MTHFD2L: variants seen among roughly 807,000 people sequenced by gnomAD.
MTHFD2L encodes methylenetetrahydrofolate dehydrogenase (NADP+ dependent) 2 like, also known as bifunctional methylenetetrahydrofolate dehydrogenase/cyclohydrolase 2, mitochondrial.
MTHFD2L carries 29 observed loss-of-function variants against 34.9 expected under a neutral mutation model. The ratio of observed to expected loss-of-function variants is 0.83; its 90% CI spans 0.62 to 1.13. The LOEUF is 1.13. Among genes scored for constraint, MTHFD2L ranks in the 50% most tolerant of loss-of-function variants. The pLI is 0.00. For synonymous variants in MTHFD2L, 167 were observed against 155.7 expected (o/e 1.07, Z -0.54); for missense variants, 481 against 446.5 (o/e 1.08, Z -0.70).
chr4:74,275,490 T>C (rs1746496969), intron 6 of MTHFD2L, among the ~76,000 whole-genome samples: 1 of 152,186 alleles, frequency 6.6e-6, no homozygotes. Flanking sequence ...TCAAATGGTA[T>C]TTCTGATTCT....
intron 5 of MTHFD2L, among the ~76,000 whole-genome samples, chr4:74,218,272 A>C (rs934492215): frequency 1.3e-5 from 2 of 152,102 alleles, no homozygotes; most frequent in African/African-American, 4.8e-5. Flanking sequence ...ATGGCTGTAG[A>C]GTTGCATAGG....
At chr4:74,189,944 A>T (rs986758796) in intron 3 of MTHFD2L, among the ~76,000 whole-genome samples, 1 of 152,094 alleles carries the variant, frequency 6.6e-6, no homozygotes, top group African/African-American at 2.4e-5. Context: ...TCTGACCCTC[A>T]TCATTCATTT....
chr4:74,202,942 C>A (rs16850650), intron 5 of MTHFD2L, among the ~76,000 whole-genome samples: 1,539 of 152,112 alleles, frequency 0.01, 29 homozygotes, highest in African/African-American at 0.035. Context: ...TTGTTGAATT[C>A]GAGTTTCCTG....
At chr4:74,217,614 T>C (rs1054105686) in intron 5 of MTHFD2L, among the ~76,000 whole-genome samples, 1 of 151,782 alleles carries the variant, frequency 6.6e-6, no homozygotes, top group African/African-American at 2.4e-5. Flanking sequence ...TATGTGAGGT[T>C]CTAGCTCAGA....
At chr4:74,255,027 C>T (rs866888399) in intron 6 of MTHFD2L, among the ~76,000 whole-genome samples, 2 of 145,644 alleles carry the variant, frequency 1.4e-5, no homozygotes, top group South Asian at 2.2e-4. Flanking sequence ...CCCAGCTACT[C>T]GGGAGGCTGA....
At chr4:74,167,757 G>A (rs1302567864) in intron 1 of MTHFD2L, among the ~76,000 whole-genome samples, 1 of 152,190 alleles carries the variant, frequency 6.6e-6, no homozygotes, top group Non-Finnish European at 1.5e-5. Context: ...CTGGTGTGTA[G>A]TGCGCGACTC....
chr4:74,261,375 TCA>T (rs143843323), intron 6 of MTHFD2L, among the ~76,000 whole-genome samples: 9,524 of 151,886 alleles, frequency 0.063, 673 homozygotes, highest in African/African-American at 0.17. Context: ...TATATTCCAC[TCA>T]CAGTAGTAAT....
At chr4:74,189,245 C>G (rs1428346883) in intron 3 of MTHFD2L, among the ~76,000 whole-genome samples, 1 of 151,942 alleles carries the variant, frequency 6.6e-6, no homozygotes, top group Non-Finnish European at 1.5e-5. Flanking sequence ...GAAGTTCATT[C>G]AAAGAAAAAA....
intron 6 of MTHFD2L, among the ~76,000 whole-genome samples, chr4:74,258,526 C>G (rs928815943): frequency 2.0e-5 from 3 of 151,964 alleles, no homozygotes; most frequent in African/African-American, 7.3e-5. Flanking sequence ...GTGAAACCAA[C>G]AAGGGCTGAC....
upstream of MTHFD2L, among the ~76,000 whole-genome samples, chr4:74,121,380 T>C (rs1055583236): frequency 1.3e-5 from 2 of 151,836 alleles, no homozygotes; most frequent in African/African-American, 4.8e-5. Flanking sequence ...GTACTGAAAA[T>C]CCTGCTTCCA....
intron 7 of MTHFD2L, among the ~76,000 whole-genome samples, chr4:74,286,972 G>A (rs1748258988): frequency 6.6e-6 from 1 of 152,086 alleles, no homozygotes; most frequent in Non-Finnish European, 1.5e-5. Flanking sequence ...AAATAAATGA[G>A]GTTAATGTTT....
chr4:74,178,747 G>A (rs1218972385), intron 3 of MTHFD2L, among the ~76,000 whole-genome samples: 1 of 151,982 alleles, frequency 6.6e-6, no homozygotes, highest in Non-Finnish European at 1.5e-5. Context: ...ATTACAAATG[G>A]CACTTTGTAT....
At chr4:74,252,920 C>T (rs1176152899) in intron 6 of MTHFD2L, among the ~76,000 whole-genome samples, 1 of 151,876 alleles carries the variant, frequency 6.6e-6, no homozygotes, top group Non-Finnish European at 1.5e-5. Context: ...TTTTTAGATA[C>T]ATATATTAAA....
At chr4:74,301,623 C>A in intron 7 of MTHFD2L, 74 bp from the exon 8 acceptor site, 1 of 877,542 alleles carries the variant, frequency 1.1e-6, no homozygotes, top group Non-Finnish European at 1.7e-6. Flanking sequence ...TCACTATATT[C>A]AGCATGTTTA....
intron 7 of MTHFD2L, among the ~76,000 whole-genome samples, chr4:74,296,763 A>T (rs868567713): frequency 1.3e-5 from 2 of 152,202 alleles, no homozygotes; most frequent in Middle Eastern, 3.4e-3. Flanking sequence ...CATATGCAGT[A>T]TGACTTAATC....
At chr4:74,193,047 T>C (rs1398074952) in intron 3 of MTHFD2L, among the ~76,000 whole-genome samples, 2 of 152,182 alleles carry the variant, frequency 1.3e-5, no homozygotes. Flanking sequence ...GATATTCTTC[T>C]AAATTTTCAC....
chr4:74,219,604 G>T (rs1409351790), intron 5 of MTHFD2L, among the ~76,000 whole-genome samples: 1 of 152,110 alleles, frequency 6.6e-6, no homozygotes, highest in African/African-American at 2.4e-5. Context: ...AGTTAAATAA[G>T]AATAGGTTTA....
chr4:74,278,217 G>A (rs747770808), intron 6 of MTHFD2L, among the ~76,000 whole-genome samples: 1 of 152,010 alleles, frequency 6.6e-6, no homozygotes, highest in Non-Finnish European at 1.5e-5. Context: ...ACCAGCCTCC[G>A]AAGTACAACC....
intron 1 of MTHFD2L, among the ~76,000 whole-genome samples, chr4:74,146,190 G>C (rs1389737346): frequency 6.6e-6 from 1 of 152,220 alleles, no homozygotes; most frequent in Middle Eastern, 3.4e-3. Flanking sequence ...AATTTAAAAA[G>C]ATTGACAAAT....
Sources: gnomAD v4.1 joint callset for allele counts (sites outside exome capture counted in the v4.1 genomes callset) on GRCh38, gnomAD v4.1.1 for gene constraint, MANE v1.5 for transcripts, NCBI Gene and HGNC (gene_info 2026-07-23, HGNC 2026-07-21) for gene names.